The following IQCE variants were observed in gnomAD, a reference collection of about 807,000 sequenced individuals.
IQCE encodes the protein IQ domain-containing protein E.
Under a neutral mutation model 96.0 loss-of-function variants are expected in IQCE, and 115 were observed. The observed-to-expected ratio is 1.20, with a 90% CI of 1.03 to 1.40. The LOEUF (loss-of-function observed/expected upper bound fraction) is 1.40, where lower values mean the gene tolerates loss of function less well. Among genes scored for constraint, IQCE ranks in the 40% most tolerant of loss-of-function variants. The pLI is 0.00. For synonymous variants in IQCE, 412 were observed against 371.2 expected (o/e 1.11, Z -1.26); for missense variants, 1,041 against 909.1 (o/e 1.15, Z -1.87).
chr7:2,595,745 G>C (rs955560276), intron 16 of IQCE, among the ~76,000 whole-genome samples: 2 of 150,736 alleles, frequency 1.3e-5, no homozygotes, highest in African/African-American at 2.4e-5. Flanking sequence ...CTCCCTGGAG[G>C]GTCGCAGCCA....
rs777173480 is a variant in IQCE at position 2,567,172 on chromosome 7, C to T, written c.84+9C>T. On this transcript the variant is annotated intron_variant, in intron 2 of 21. Transcript: ENST00000402050. ...ACTCTGATGTGGAGACGGTGAGTGC[C>T]GCTGGGTGTCAGCCGTGCGACCTCG... 7 of 1,612,182 alleles carry T rather than the reference C, an allele frequency of 4.3e-6. No individual in the cohort carries two copies. Among genetic ancestry groups the T allele is most frequent in the East Asian group, 4.5e-5 (2 of 44,894 alleles).
intron 1 of IQCE, among the ~76,000 whole-genome samples, chr7:2,561,834 T>A (rs1346465007): frequency 6.6e-6 from 1 of 152,272 alleles, no homozygotes; most frequent in Non-Finnish European, 1.5e-5. Flanking sequence ...AAAATCATGT[T>A]GTCTGTGAAT....
At chr7:2,586,627 C>T (rs986784608) in intron 12 of IQCE, among the ~76,000 whole-genome samples, 2 of 152,144 alleles carry the variant, frequency 1.3e-5, no homozygotes, top group Admixed American at 6.5e-5. Context: ...GGGTCAGATG[C>T]GTGACATGTG....
At chr7:2,582,240 GGCT>G (rs1456811472) in intron 8 of IQCE, among the ~76,000 whole-genome samples, 1 of 152,130 alleles carries the variant, frequency 6.6e-6, no homozygotes, top group African/African-American at 2.4e-5. Flanking sequence ...CTGGTGATGG[GGCT>G]GCTTCTTTTA....
At chr7:2,582,401 C>G (rs955965587) in intron 8 of IQCE, among the ~76,000 whole-genome samples, 179 bp from the exon 9 acceptor site, 1 of 152,202 alleles carries the variant, frequency 6.6e-6, no homozygotes, top group Non-Finnish European at 1.5e-5. Context: ...CAGCCTTACT[C>G]AGGGACAGGA....
chr7:2,601,816 C>T (rs956245030), intron 18 of IQCE: 23 of 251,632 alleles, frequency 9.1e-5, no homozygotes, highest in Non-Finnish European at 1.5e-4. Context: ...TCCCAAAGTG[C>T]AGGAATTACA....
chr7:2,571,663 T>C lies in IQCE; in HGVS notation c.259+9T>C. ...GGGAACCGCAAAGCCAGGTATGTGG[T>C]TGTCGCACTGGAGACCCTTCCTGCT... On this transcript the variant is annotated intron_variant, in intron 4 of 21. Transcript: ENST00000402050. 1 of 1,597,204 alleles carries C rather than the reference T, an allele frequency of 6.3e-7. No homozygotes were observed. Among genetic ancestry groups the C allele is most frequent in the Non-Finnish European group, 8.5e-7 (1 of 1,178,606 alleles).
At chr7:2,578,182 TGTGTGCGGC>T (rs1782350605) in intron 6 of IQCE, 51 bp from the exon 7 acceptor site, 2 of 1,299,082 alleles carry the variant, frequency 1.5e-6, no homozygotes, top group Admixed American at 3.4e-5. Context: ...CGCGGGGACG[TGTGTGCGGC>T]GTGTGCGCAG....
rs558365750 is a variant in IQCE at position 2,597,898 on chromosome 7, G to T, written c.1441-567G>T. Among the ~76,000 whole-genome samples the T allele has an allele frequency of 5.9e-5, 9 of 152,232 alleles. No individual in the cohort carries two copies. In the South Asian group the frequency reaches 1.2e-3, roughly 21 times the overall value. The stretch of plus-strand genomic sequence containing the variant: ...GGCCAGGCTGGTCTTGAACTCCTGG[G>T]CTCAAGGGATCCTCCCTGCTTGGCC... On this transcript the variant is annotated intron_variant, in intron 16 of 21. Coordinates refer to ENST00000402050, the MANE Select transcript of IQCE (RefSeq NM_152558.5).
In IQCE at chr7:2,613,711, G is replaced by A. The variant is rs1056380752; in HGVS notation, c.*3549G>A. 2.0e-5 allele frequency: 3 copies of A among 152,394 alleles called. No individual in the cohort carries two copies. Among genetic ancestry groups the A allele is most frequent in the Non-Finnish European group, 2.9e-5 (2 of 68,166 alleles). 9.4% of individuals were successfully genotyped at this position (152,394 alleles called of 1,614,324 possible). A position where few individuals can be genotyped will look rare whatever the true frequency, so the allele number is the denominator to read the frequency against. On this transcript the variant is annotated 3_prime_UTR_variant, in exon 22 of 22. Coordinates refer to ENST00000402050, the MANE Select transcript of IQCE (RefSeq NM_152558.5). ...CCTGGGGCACGAAGCCAGCGCCGGG[G>A]GGATTTCAGTGGAGCCTTACAGCCA...
At chr7:2,562,845 ATCTT>A (rs1402892958) in intron 1 of IQCE, among the ~76,000 whole-genome samples, 2 of 146,298 alleles carry the variant, frequency 1.4e-5, no homozygotes, top group Admixed American at 1.4e-4. Context: ...TTGCCTTGAG[ATCTT>A]TCTTTCTTTT....
intron 6 of IQCE, among the ~76,000 whole-genome samples, chr7:2,575,719 A>G (rs1782074064): frequency 6.6e-6 from 1 of 152,152 alleles, no homozygotes; most frequent in African/African-American, 2.4e-5. Context: ...GCTGGAGAGA[A>G]GAGGCTTTGC....
rs778081581 is a variant in IQCE, at chr7:2,587,844, C to T, written c.1011C>T (p.Pro337=). Residue 337 remains proline (P), a synonymous_variant, in exon 13 of 22, where the codon CCC becomes CCT. Transcript: ENST00000402050. ...CAGGTTATGTGGAGTGGAGCAAGCC[C>T]CGGCTGCTGAGGCGCATTGTGGAGC... ...KTQGYVEWSK[P]RLLRRIVELE... is the part of the protein sequence containing the mutation. 8.1e-6 allele frequency: 13 copies of T among 1,613,936 alleles called. No individual in the cohort carries two copies. Among genetic ancestry groups the T allele is most frequent in the South Asian group, 2.2e-5 (2 of 91,080 alleles).
Position 2,584,238 on chromosome 7 carries a change from G to C in IQCE, c.777G>C (p.Val259=). The C allele has an allele frequency of 6.2e-7, 1 of 1,613,628 alleles. No homozygotes were observed. Among genetic ancestry groups the C allele is most frequent in the East Asian group, 2.2e-5 (1 of 44,880 alleles). ...RIAMETYYEE[V]HRLQTLLASS... is the part of the protein sequence containing the mutation. ...GCATTTCAATTTGGTATTTACAGGT[G>C]CATCGTCTCCAGACCCTCTTGGCAA... The change falls in exon 11 of 22, where the codon GTG becomes GTC. Residue 259 remains valine (V), a splice_region_variant and synonymous_variant. Transcript: ENST00000402050.
At position 2,578,251 on chromosome 7, in the gene IQCE, G is replaced by A. The variant is rs1217722826; in HGVS notation, c.475G>A (p.Val159Met). Reference protein sequence around the residue: ...EIIELKKSLHVQKSDVDLMRT... With the variant: ...EIIELKKSLHMQKSDVDLMRT... ...CCCTTGTTTTCTTCAGTCATTGCAC[G>A]TGCAGAAGAGCGACGTGGACCTGAT... is the stretch of plus-strand genomic sequence containing the variant. Residue 159 changes from valine (V) to methionine (M), a missense_variant, in exon 7 of 22, where the codon GTG becomes ATG. Physicochemically the swap from Val to Met is conservative, Grantham distance 21. Coordinates refer to ENST00000402050, the MANE Select transcript of IQCE (RefSeq NM_152558.5). 4 of 1,613,138 alleles carry A rather than the reference G, an allele frequency of 2.5e-6. No homozygotes were observed. The highest frequency in any genetic ancestry group is 2.2e-5 in the East Asian group (1 of 44,890).
intron 2 of IQCE, among the ~76,000 whole-genome samples, chr7:2,567,571 G>C (rs977879933): frequency 6.6e-6 from 1 of 152,236 alleles, no homozygotes; most frequent in Non-Finnish European, 1.5e-5. Flanking sequence ...CTCCCAGCCC[G>C]GAAAGGAGAG....
chr7:2,567,276 G>C (rs1294613721), intron 2 of IQCE, 113 bp downstream of exon 2: 2 of 819,678 alleles, frequency 2.4e-6, no homozygotes, highest in East Asian at 2.6e-5. Flanking sequence ...TCGAGAGCTG[G>C]AATGCATATT....
At position 2,567,163 on chromosome 7, in the gene IQCE, G is replaced by C. The variant is rs184025194; in HGVS notation, c.84G>C (p.Thr28=). 1.2e-6 allele frequency: 2 copies of C among 1,613,138 alleles called. No homozygotes were observed. The highest frequency in any genetic ancestry group is 1.7e-6 in the Non-Finnish European group (2 of 1,179,534). ...TCACCTTTGACTCTGATGTGGAGAC[G>C]GTGAGTGCCGCTGGGTGTCAGCCGT... is the stretch of plus-strand genomic sequence containing the variant. ...SAVTFDSDVE[T]KAKRKAFHKP... Residue 28 remains threonine, a splice_region_variant and synonymous_variant, in exon 2 of 22, where the codon ACG becomes ACC. Coordinates refer to ENST00000402050, the MANE Select transcript of IQCE (RefSeq NM_152558.5).
chr7:2,563,893 C>CA (rs34269895), intron 1 of IQCE, among the ~76,000 whole-genome samples: 20,309 of 59,404 alleles, frequency 0.34, 3,143 homozygotes, highest in East Asian at 0.44. Context: ...GACTCCATCT[C>CA]AAAAAAAAAA....
Sources: allele counts gnomAD v4.1 joint callset (sites outside exome capture counted in the v4.1 genomes callset), GRCh38; gene constraint gnomAD v4.1.1; transcripts MANE v1.5; gene names NCBI Gene and HGNC (gene_info 2026-07-23, HGNC 2026-07-21).